CNTNAP2: variants seen among roughly 807,000 people sequenced by gnomAD.
CNTNAP2 encodes the protein contactin associated protein 2, also known as contactin-associated protein-like 2.
Under a neutral mutation model 155.2 loss-of-function variants are expected in CNTNAP2, and 98 were observed. The ratio of observed to expected loss-of-function variants is 0.63; its 90% CI spans 0.54 to 0.75. The LOEUF (loss-of-function observed/expected upper bound fraction) is 0.75. CNTNAP2 is among the 30% of genes least tolerant of loss of function. CNTNAP2 has a pLI of 0.00. For synonymous variants in CNTNAP2, 651 were observed against 631.2 expected (o/e 1.03, Z -0.47); for missense variants, 1,727 against 1,688.1 (o/e 1.02, Z -0.40).
chr7:147,335,456 G>C (rs747140), intron 9 of CNTNAP2, among the ~76,000 whole-genome samples: 58,290 of 151,986 alleles, frequency 0.38, 11,567 homozygotes, highest in South Asian at 0.49. Flanking sequence ...CGTTGAGATT[G>C]CAAAGGTTTA....
At chr7:148,259,457 T>C (rs1454275390) in intron 20 of CNTNAP2, among the ~76,000 whole-genome samples, 4 of 152,058 alleles carry the variant, frequency 2.6e-5, no homozygotes, top group Admixed American at 1.3e-4. Context: ...AAAGATGATA[T>C]ATTCTAAATT....
chr7:148,241,740 A>C (rs999700068), intron 20 of CNTNAP2, among the ~76,000 whole-genome samples: 1 of 152,252 alleles, frequency 6.6e-6, no homozygotes, highest in Non-Finnish European at 1.5e-5. Context: ...GTTCTAAGCC[A>C]TCAAGCCCAT....
chr7:146,210,528 C>T (rs1050839650), intron 1 of CNTNAP2, among the ~76,000 whole-genome samples: 20 of 152,104 alleles, frequency 1.3e-4, no homozygotes, highest in South Asian at 4.2e-4. Context: ...GGTTTCAAAC[C>T]CCTGGCCTCA....
intron 8 of CNTNAP2, among the ~76,000 whole-genome samples, chr7:147,179,636 A>T (rs542964981): frequency 6.6e-6 from 1 of 152,274 alleles, no homozygotes; most frequent in South Asian, 2.1e-4. Flanking sequence ...TCTTATCAAA[A>T]TCGGTTTTAT....
At chr7:146,855,660 T>C (rs570920293) in intron 3 of CNTNAP2, among the ~76,000 whole-genome samples, 1 of 151,866 alleles carries the variant, frequency 6.6e-6, no homozygotes, top group Admixed American at 6.6e-5. Context: ...TCTGAACATA[T>C]TTAAATGTAC....
At chr7:146,672,423 T>G (rs1800326363) in intron 1 of CNTNAP2, among the ~76,000 whole-genome samples, 1 of 152,178 alleles carries the variant, frequency 6.6e-6, no homozygotes, top group African/African-American at 2.4e-5. Context: ...TAAAATTTCT[T>G]AAAGCTCATG....
intron 14 of CNTNAP2, among the ~76,000 whole-genome samples, chr7:147,967,222 A>C (rs960834803): frequency 6.6e-6 from 1 of 152,228 alleles, no homozygotes; most frequent in Non-Finnish European, 1.5e-5. Context: ...ATGTAGTCCA[A>C]ATTAGTCTTC....
At chr7:147,718,445 TATA>T (rs1460161202) in intron 13 of CNTNAP2, among the ~76,000 whole-genome samples, 3 of 152,156 alleles carry the variant, frequency 2.0e-5, no homozygotes, top group South Asian at 4.1e-4. Flanking sequence ...TAACTGACTC[TATA>T]ATATTATTAA....
chr7:146,975,310 C>A (rs1336548966), intron 3 of CNTNAP2, among the ~76,000 whole-genome samples: 1 of 151,928 alleles, frequency 6.6e-6, no homozygotes, highest in Non-Finnish European at 1.5e-5. Flanking sequence ...ACTAAAAATA[C>A]AAAAATAAGC....
chr7:147,982,443 G>A (rs11771941), intron 15 of CNTNAP2, among the ~76,000 whole-genome samples: 55,847 of 152,050 alleles, frequency 0.37, 12,200 homozygotes, highest in Middle Eastern at 0.62. Flanking sequence ...TCACACTGCA[G>A]GATTAAGATG....
At chr7:147,050,964 G>T (rs1799460460) in intron 4 of CNTNAP2, among the ~76,000 whole-genome samples, 2 of 151,866 alleles carry the variant, frequency 1.3e-5, no homozygotes, top group Admixed American at 1.3e-4. Flanking sequence ...ACATTCACAT[G>T]AACTTCTTCG....
At chr7:146,421,898 T>A (rs1342160281) in intron 1 of CNTNAP2, among the ~76,000 whole-genome samples, 1 of 151,678 alleles carries the variant, frequency 6.6e-6, no homozygotes, top group Non-Finnish European at 1.5e-5. Flanking sequence ...TAGACAGATT[T>A]TTTTTACACA....
At chr7:148,031,527 G>A (rs747149680) in intron 15 of CNTNAP2, among the ~76,000 whole-genome samples, 5 of 152,104 alleles carry the variant, frequency 3.3e-5, no homozygotes, top group Non-Finnish European at 5.9e-5. Flanking sequence ...TTAGTATTTG[G>A]TAGAAACAGA....
At chr7:148,343,252 T>C (rs1277835287) in intron 21 of CNTNAP2, among the ~76,000 whole-genome samples, 2 of 152,172 alleles carry the variant, frequency 1.3e-5, no homozygotes, top group Non-Finnish European at 2.9e-5. Context: ...CATCACAAAC[T>C]CTATTTGTCC....
chr7:147,781,575 A>G (rs1797662182), intron 13 of CNTNAP2, among the ~76,000 whole-genome samples: 2 of 152,204 alleles, frequency 1.3e-5, no homozygotes, highest in African/African-American at 4.8e-5. Flanking sequence ...CTCCAGTTCT[A>G]TACTTAATGA....
intron 2 of CNTNAP2, among the ~76,000 whole-genome samples, chr7:146,827,481 G>A (rs1162703802): frequency 2.0e-5 from 3 of 150,800 alleles, no homozygotes; most frequent in Non-Finnish European, 4.4e-5. Context: ...TGTGATCTGC[G>A]TGGACAAGAA....
At chr7:147,279,800 CTA>C (rs1379640138) in intron 8 of CNTNAP2, among the ~76,000 whole-genome samples, 1 of 151,834 alleles carries the variant, frequency 6.6e-6, no homozygotes, top group African/African-American at 2.4e-5. Flanking sequence ...AATGAAATAA[CTA>C]TATGATTCCT....
At chr7:148,240,398 A>G (rs1177475989) in intron 20 of CNTNAP2, among the ~76,000 whole-genome samples, 2 of 152,198 alleles carry the variant, frequency 1.3e-5, no homozygotes, top group East Asian at 3.8e-4. Context: ...ACATGTAAAT[A>G]ATAAAAAGGG....
intron 22 of CNTNAP2, among the ~76,000 whole-genome samples, chr7:148,397,345 C>T (rs957292898): frequency 6.6e-6 from 1 of 152,170 alleles, no homozygotes; most frequent in Non-Finnish European, 1.5e-5. Flanking sequence ...TTTATAGCAC[C>T]TTACTCTAAA....
Sources: gnomAD v4.1 joint callset for allele counts (sites outside exome capture counted in the v4.1 genomes callset) on GRCh38, gnomAD v4.1.1 for gene constraint, MANE v1.5 for transcripts, NCBI Gene and HGNC (gene_info 2026-07-23, HGNC 2026-07-21) for gene names.